FAM222A: variants seen among roughly 807,000 people sequenced by gnomAD.
FAM222A encodes family with sequence similarity 222 member A, also known as protein FAM222A.
Under a neutral mutation model 25.8 loss-of-function variants are expected in FAM222A, and 7 were observed. The ratio of observed to expected loss-of-function variants is 0.27; its 90% CI spans 0.15 to 0.51. The LOEUF (loss-of-function observed/expected upper bound fraction) is 0.51. Among genes scored for constraint, FAM222A ranks in the 20% least tolerant of loss-of-function variants. FAM222A has a pLI of 0.97. For synonymous variants in FAM222A, 294 were observed against 298.8 expected (o/e 0.98, Z 0.17); for missense variants, 573 against 640.5 (o/e 0.89, Z 1.14).
At chr12:109,721,647 G>T (rs1184518707) in intron 1 of FAM222A, among the ~76,000 whole-genome samples, 4 of 152,172 alleles carry the variant, frequency 2.6e-5, no homozygotes, top group African/African-American at 9.7e-5. Context: ...GGACCAGGGG[G>T]GACAGCGAGG....
At chr12:109,749,850 A>G (rs1057199393) in intron 2 of FAM222A, among the ~76,000 whole-genome samples, 41 of 152,214 alleles carry the variant, frequency 2.7e-4, no homozygotes, top group African/African-American at 9.4e-4. Flanking sequence ...CCAGGATTCA[A>G]CTTTATCTGT....
chr12:109,748,313 G>A (rs1461262148), intron 2 of FAM222A, among the ~76,000 whole-genome samples: 1 of 143,294 alleles, frequency 7.0e-6, no homozygotes, highest in Non-Finnish European at 1.5e-5. Context: ...TCGTCAAAGA[G>A]ATTGTTCTTT....
intron 2 of FAM222A, among the ~76,000 whole-genome samples, chr12:109,750,916 T>C (rs1888542717): frequency 2.6e-5 from 4 of 152,264 alleles, no homozygotes; most frequent in African/African-American, 7.2e-5. Flanking sequence ...TTTCGATCTT[T>C]CCATATCTTT....
Position 109,714,053 on chromosome 12 carries a change from AGCGCGCGC to A in FAM222A, c.-889_-882del. Among the ~76,000 whole-genome samples the A allele has an allele frequency of 6.7e-6, 1 of 150,072 alleles. No homozygotes were observed. Reference sequence around the variant, plus strand: ...CGGGGCCATGGGCGCGTGAGAGCCCAGCGCGCGCGGCCCCTGCTGCGGCTTGCGAGCTC... The same window carrying A: ...CGGGGCCATGGGCGCGTGAGAGCCCAGGCCCCTGCTGCGGCTTGCGAGCTC... On this transcript the variant is annotated 5_prime_UTR_variant, in exon 1 of 3. Coordinates refer to ENST00000538780, the MANE Select transcript of FAM222A (RefSeq NM_032829.3). The surrounding 1 kb of genome is among the most constrained non-coding windows in gnomAD (Gnocchi z 4.2).
Position 109,744,102 on chromosome 12 carries a change from GACCCAGTCGCAGAGCGC to G in FAM222A, c.-40_-24del. On this transcript the variant is annotated splice_region_variant and 5_prime_UTR_variant, in exon 2 of 3. Coordinates refer to ENST00000538780, the MANE Select transcript of FAM222A (RefSeq NM_032829.3). ...GAGCACCCCATCTTCCTCCTGCAGG[GACCCAGTCGCAGAGCGC>G]ACCCCACTGGGGACCCCCAGCTCAG... The G allele has an allele frequency of 6.2e-7, 1 of 1,601,038 alleles. No individual in the cohort carries two copies. The highest frequency in any genetic ancestry group is 8.5e-7 in the Non-Finnish European group (1 of 1,174,730).
intron 1 of FAM222A, among the ~76,000 whole-genome samples, chr12:109,716,278 A>C (rs1399669047): frequency 1.3e-5 from 2 of 152,140 alleles, no homozygotes; most frequent in African/African-American, 4.8e-5. Flanking sequence ...AATTATTGCC[A>C]GTGTCGGGTG....
Position 109,744,030 on chromosome 12 carries a change from C to G in FAM222A, c.-46-71C>G. ...GTTCTTCGGGGTTGCAGGGAGACTC[C>G]CGGGGGGAATGGTGGGAGGCGAACA... is the stretch of plus-strand genomic sequence containing the variant. On this transcript the variant is annotated intron_variant, in intron 1 of 2. Coordinates refer to ENST00000538780, the MANE Select transcript of FAM222A (RefSeq NM_032829.3). 5 of 1,462,730 alleles carry G rather than the reference C, an allele frequency of 3.4e-6. No individual in the cohort carries two copies. The South Asian group carries it at 5.6e-5, about 16-fold the overall frequency. The allele number at this position is 1,462,730 out of a possible 1,614,324, so 90.6% of individuals were successfully genotyped here.
At chr12:109,739,947 C>A (rs888278728) in intron 1 of FAM222A, among the ~76,000 whole-genome samples, 1 of 152,196 alleles carries the variant, frequency 6.6e-6, no homozygotes, top group South Asian at 2.1e-4. Context: ...CCGTTAAGAG[C>A]CCAAATTGCA....
chr12:109,733,616 G>C (rs532374379), intron 1 of FAM222A, among the ~76,000 whole-genome samples: 1 of 152,268 alleles, frequency 6.6e-6, no homozygotes, highest in South Asian at 2.1e-4. Context: ...TGTTAGCCAG[G>C]ATGGTCTCGA....
At chr12:109,718,660 G>T (rs1025134685) in intron 1 of FAM222A, among the ~76,000 whole-genome samples, 1 of 152,210 alleles carries the variant, frequency 6.6e-6, no homozygotes, top group African/African-American at 2.4e-5. Flanking sequence ...TGTGCGTTGC[G>T]GGCCGCGGGA....
At position 109,747,757 on chromosome 12, in the gene FAM222A, G is replaced by A. The variant is rs79911911; in HGVS notation, c.82+3529G>A. On this transcript the variant is annotated intron_variant, in intron 2 of 2. Coordinates refer to ENST00000538780, the MANE Select transcript of FAM222A (RefSeq NM_032829.3). ...CCAGTGGAAGGTCACTTATATGAAG[G>A]CTGTTAACTTCTGCCACCTTACTGA... Among the ~76,000 whole-genome samples the A allele has an allele frequency of 3.0e-4, 46 of 152,190 alleles. 1 individual carries two copies. In the East Asian group the frequency reaches 8.7e-3, roughly 29 times the overall value.
intron 1 of FAM222A, among the ~76,000 whole-genome samples, chr12:109,728,887 C>CT (rs1373332749): frequency 3.3e-5 from 5 of 152,048 alleles, no homozygotes; most frequent in African/African-American, 1.2e-4. Flanking sequence ...CGTTCCATCT[C>CT]TAAGACTAAC....
At chr12:109,751,666 A>G (rs796859729) in intron 2 of FAM222A, among the ~76,000 whole-genome samples, 2 of 152,238 alleles carry the variant, frequency 1.3e-5, no homozygotes, top group African/African-American at 4.8e-5. Context: ...AGCCCCACCT[A>G]TTTTTCTCTT....
At chr12:109,767,910 A>T in intron 2 of FAM222A, 102 bp from the exon 3 acceptor site, 1 of 1,188,056 alleles carries the variant, frequency 8.4e-7, no homozygotes, top group Non-Finnish European at 1.2e-6. Context: ...ATAAGGAGTA[A>T]AATGAATGGG....
chr12:109,743,887 AGAGCCCTG>A, intron 1 of FAM222A: 1 of 985,436 alleles, frequency 1.0e-6, no homozygotes, highest in Non-Finnish European at 1.2e-6. Context: ...CCCCCACTCA[AGAGCCCTG>A]GATTCTGTCC....
At chr12:109,720,122 G>A in intron 1 of FAM222A, 7 of 985,442 alleles carry the variant, frequency 7.1e-6, no homozygotes, top group Non-Finnish European at 8.4e-6. Flanking sequence ...GGCTGGGCTT[G>A]AATACAGGCC....
chr12:109,769,004 G>A lies in FAM222A; in HGVS notation c.1075G>A (p.Asp359Asn), dbSNP rs143726568. Residue 359 changes from aspartate (D) to asparagine (N), a missense_variant, in exon 3 of 3, where the codon GAC becomes AAC. By Grantham distance (23) the Asp-to-Asn change is conservative. This residue lies in a region of FAM222A where 412 missense variants were observed against 407.0 expected (regional missense o/e 1.01). Transcript: ENST00000538780. ...CAGTGTGCTGGTGACACCCACCAGC[G>A]ACTGCTACAACCCAGCGGCGGCGGT... ...WNSVLVTPTS[D>N]CYNPAAAVVV... 160 of 1,578,226 alleles carry A rather than the reference G, an allele frequency of 1.0e-4. 1 individual carries two copies. Among genetic ancestry groups the A allele is most frequent in the Non-Finnish European group, 1.2e-4 (135 of 1,164,998 alleles).
intron 1 of FAM222A, among the ~76,000 whole-genome samples, chr12:109,725,522 T>C (rs1199233601): frequency 6.9e-6 from 1 of 145,102 alleles, no homozygotes; most frequent in Non-Finnish European, 1.5e-5. Flanking sequence ...GAGCGGGGGT[T>C]CCAGTGTCCA....
At chr12:109,754,061 C>T (rs981607418) in intron 2 of FAM222A, among the ~76,000 whole-genome samples, 4 of 152,096 alleles carry the variant, frequency 2.6e-5, no homozygotes, top group African/African-American at 9.7e-5. Flanking sequence ...AAATAAGCTC[C>T]AAGCCAACTA....
Sources: gnomAD v4.1 joint callset for allele counts (sites outside exome capture counted in the v4.1 genomes callset) on GRCh38, gnomAD v4.1.1 for gene constraint, gnomAD v4.1.1 regional missense constraint, Gnocchi (gnomAD v3.1) non-coding constraint, MANE v1.5 for transcripts, NCBI Gene and HGNC (gene_info 2026-07-23, HGNC 2026-07-21) for gene names.